The following CFAP54 variants were observed in gnomAD, a reference collection of about 807,000 sequenced individuals.
CFAP54 encodes the protein cilia- and flagella-associated protein 54.
In CFAP54, 290 loss-of-function variants were observed where a neutral mutation model predicts 370.4. That is an observed-to-expected ratio of 0.78 (90% CI 0.71 to 0.86). The LOEUF (loss-of-function observed/expected upper bound fraction) is 0.86. Among genes scored for constraint, CFAP54 ranks in the 40% least tolerant of loss-of-function variants. CFAP54 has a pLI of 0.00. For synonymous variants in CFAP54, 1,206 were observed against 1,236.5 expected (o/e 0.98, Z 0.52); for missense variants, 3,399 against 3,528.7 (o/e 0.96, Z 0.93).
At chr12:96,870,092 C>T (rs1960116759) in intron 67 of CFAP54, among the ~76,000 whole-genome samples, 1 of 151,170 alleles carries the variant, frequency 6.6e-6, no homozygotes, top group African/African-American at 2.4e-5. Context: ...GAAACCCCAT[C>T]TCTACTAAAA....
At chr12:96,731,749 T>C (rs1957921220) in intron 50 of CFAP54, among the ~76,000 whole-genome samples, 1 of 152,144 alleles carries the variant, frequency 6.6e-6, no homozygotes, top group Admixed American at 6.6e-5. Context: ...AGGGAGACAA[T>C]ATTTCCTAAA....
At chr12:96,765,653 T>C (rs1225915477) in intron 60 of CFAP54, among the ~76,000 whole-genome samples, 2 of 152,240 alleles carry the variant, frequency 1.3e-5, no homozygotes, top group Non-Finnish European at 2.9e-5. Flanking sequence ...CATTAAATTA[T>C]CATCAGCTAC....
At chr12:96,611,237 G>T (rs1383836371) in intron 26 of CFAP54, among the ~76,000 whole-genome samples, 1 of 152,214 alleles carries the variant, frequency 6.6e-6, no homozygotes, top group African/African-American at 2.4e-5. Flanking sequence ...AGCAATATTT[G>T]CTGTTCTGCA....
chr12:96,647,145 A>G (rs974237691), intron 33 of CFAP54: 4 of 151,950 alleles, frequency 2.6e-5, no homozygotes, highest in Non-Finnish European at 4.4e-5. Flanking sequence ...ATTTTTTTTG[A>G]TGCAAGACTG....
chr12:96,554,005 T>C (rs1955725641), intron 15 of CFAP54, among the ~76,000 whole-genome samples, 177 bp from the exon 16 acceptor site: 1 of 152,172 alleles, frequency 6.6e-6, no homozygotes, highest in African/African-American at 2.4e-5. Flanking sequence ...CCCATATTGA[T>C]AGCACTCCAC....
rs1958309656 is a variant in CFAP54 at position 96,759,450 on chromosome 12, A to G, written c.8040+1862A>G. On this transcript the variant is annotated intron_variant, in intron 58 of 67. Transcript: ENST00000524981. Reference sequence around the variant, plus strand: ...AATGAAAACAGTAGTGTAATTCCTTACAATATGATCATTATTTTCTGTATG... The same window carrying G: ...AATGAAAACAGTAGTGTAATTCCTTGCAATATGATCATTATTTTCTGTATG... Among the ~76,000 whole-genome samples the G allele has an allele frequency of 3.3e-5, 5 of 152,206 alleles. No homozygotes were observed. In the South Asian group the frequency reaches 1.0e-3, roughly 32 times the overall value.
chr12:96,679,653 T>C lies in CFAP54; in HGVS notation c.5617T>C (p.Leu1873=), dbSNP rs140496189. 3.9e-5 allele frequency: 63 copies of C among 1,613,782 alleles called. No individual in the cohort carries two copies. The highest frequency in any genetic ancestry group is 8.3e-5 in the Admixed American group (5 of 59,974). Reference sequence around the variant, plus strand: ...CGTGCCCGTGGACGTGACAGACACCTTGAGGTGTTTTAGAGAGACACTGGA... The same window carrying C: ...CGTGCCCGTGGACGTGACAGACACCCTGAGGTGTTTTAGAGAGACACTGGA... The part of the protein sequence containing the change: ...VCVPVDVTDT[L]RCFRETLEKS... The change falls in exon 40 of 68, where the codon TTG becomes CTG. Residue 1873 remains leucine (L), a synonymous_variant. Coordinates refer to ENST00000524981, the MANE Select transcript of CFAP54 (RefSeq NM_001306084.2).
At chr12:96,682,529 C>T (rs1028980801) in intron 40 of CFAP54, among the ~76,000 whole-genome samples, 1 of 152,046 alleles carries the variant, frequency 6.6e-6, no homozygotes, top group Non-Finnish European at 1.5e-5. Flanking sequence ...GCTCACACCA[C>T]CACACCTGAC....
chr12:96,644,908 C>T (rs566009550), intron 33 of CFAP54, among the ~76,000 whole-genome samples: 1 of 152,224 alleles, frequency 6.6e-6, no homozygotes, highest in South Asian at 2.1e-4. Context: ...TGGTTTATTT[C>T]TTAAGTTTTA....
intron 67 of CFAP54, among the ~76,000 whole-genome samples, chr12:96,863,579 G>A (rs1208120767): frequency 6.6e-6 from 1 of 152,180 alleles, no homozygotes; most frequent in African/African-American, 2.4e-5. Flanking sequence ...TGGGAAATTG[G>A]ATAGTAAAGG....
rs12581820 is a variant in CFAP54 at position 96,507,812 on chromosome 12, A to G, written c.739+713A>G. On this transcript the variant is annotated intron_variant, in intron 4 of 67. Coordinates refer to ENST00000524981, the MANE Select transcript of CFAP54 (RefSeq NM_001306084.2). ...ATATTTTCTAGCCTTTTCCTTTCTC[A>G]CCCACCCCCAAGTCATGTTTTGACA... Among the ~76,000 whole-genome samples, 6 of 152,022 alleles carry G rather than the reference A, an allele frequency of 3.9e-5. No homozygotes were observed. The East Asian group carries it at 9.6e-4, about 24-fold the overall frequency.
At chr12:96,625,833 T>A in intron 29 of CFAP54, 26 bp downstream of exon 29, 4 of 1,425,016 alleles carry the variant, frequency 2.8e-6, no homozygotes, top group Non-Finnish European at 3.8e-6. Context: ...GTGTATATGC[T>A]GTTCACTCGA....
In CFAP54 at chr12:96,615,919, T is replaced by A. The variant is rs571873081; in HGVS notation, c.3640-5671T>A. On this transcript the variant is annotated intron_variant, in intron 26 of 67. Coordinates refer to ENST00000524981, the MANE Select transcript of CFAP54 (RefSeq NM_001306084.2). ...AACACTTTTACACAGTTGGTGGGACTGTAAACTAGTTCAACCATTGTGGAA... is the reference window on the plus strand; with the variant it reads ...AACACTTTTACACAGTTGGTGGGACAGTAAACTAGTTCAACCATTGTGGAA... Among the ~76,000 whole-genome samples, 72 of 152,354 alleles carry A rather than the reference T, an allele frequency of 4.7e-4. 1 individual carries two copies. In the East Asian group the frequency reaches 0.013, roughly 28 times the overall value.
chr12:96,660,815 C>T (rs1236361459), intron 38 of CFAP54, among the ~76,000 whole-genome samples: 3 of 151,322 alleles, frequency 2.0e-5, no homozygotes, highest in Non-Finnish European at 4.4e-5. Context: ...GTGACCTGTG[C>T]TTCTGACTGA....
At chr12:96,808,324 T>C (rs1312337835) in intron 63 of CFAP54, among the ~76,000 whole-genome samples, 1 of 152,180 alleles carries the variant, frequency 6.6e-6, no homozygotes, top group African/African-American at 2.4e-5. Context: ...CTCTCTAAGT[T>C]GGGTTCCCTG....
rs73377674 is a variant in CFAP54, at chr12:96,671,553, T to A, written c.5563+7621T>A. On this transcript the variant is annotated intron_variant, in intron 39 of 67. Coordinates refer to ENST00000524981, the MANE Select transcript of CFAP54 (RefSeq NM_001306084.2). ...TATCTCTTTGCTGAATGAATGACTT[T>A]GTGACCTTAGAAATGGTGGGGAGGG... Among the ~76,000 whole-genome samples, 906 of 152,308 alleles carry A rather than the reference T, an allele frequency of 5.9e-3. 8 individuals are homozygous for A. Among genetic ancestry groups the A allele is most frequent in the African/African-American group, 0.021 (858 of 41,566 alleles).
chr12:96,753,914 G>A lies in CFAP54; in HGVS notation c.7840+16G>A, dbSNP rs1329110236. 4 of 1,605,800 alleles carry A rather than the reference G, an allele frequency of 2.5e-6. No individual in the cohort carries two copies. The highest frequency in any genetic ancestry group is 2.2e-5 in the East Asian group (1 of 44,684). On this transcript the variant is annotated intron_variant, in intron 56 of 67. Transcript: ENST00000524981. ...TTTCAGAAAGGTAAAATGCATCTGG[G>A]GTCAGAACTATGATAAAATTTATGG...
chr12:96,495,580 C>G (rs1264194406), intron 1 of CFAP54, among the ~76,000 whole-genome samples: 2 of 151,894 alleles, frequency 1.3e-5, no homozygotes, highest in African/African-American at 4.8e-5. Context: ...TCTGGCCTCC[C>G]AAAGTGCTGG....
In CFAP54 at chr12:96,685,097, G is replaced by A; in HGVS notation, c.5873G>A (p.Trp1958Ter). The change falls in exon 42 of 68, where the codon TGG becomes TAG. Residue 1958 changes from tryptophan to a stop codon, truncating the protein, a stop_gained. Coordinates refer to ENST00000524981, the MANE Select transcript of CFAP54 (RefSeq NM_001306084.2). LOFTEE classifies it high-confidence loss of function. ...IFRKPDVLHT[W>*]KEFGPSLTNV... ...AGAAAACCAGACGTGCTACACACGT[G>A]GAAAGAATTTGGCCCCTCACTCACC... The A allele has an allele frequency of 6.2e-7, 1 of 1,614,076 alleles. No homozygotes were observed. The highest frequency in any genetic ancestry group is 1.3e-5 in the African/African-American group (1 of 75,016).
Sources: allele counts gnomAD v4.1 joint callset (sites outside exome capture counted in the v4.1 genomes callset), GRCh38; gene constraint gnomAD v4.1.1; transcripts MANE v1.5; gene names NCBI Gene and HGNC (gene_info 2026-07-23, HGNC 2026-07-21).